The following SYNE1 variants were observed in gnomAD, a reference collection of about 807,000 sequenced individuals.
SYNE1 encodes the protein spectrin repeat containing nuclear envelope protein 1, also known as nesprin-1.
A neutral mutation model predicts 1,111.0 loss-of-function variants in SYNE1; 616 were observed. The observed-to-expected ratio is 0.55, with a 90% CI of 0.52 to 0.59. SYNE1 has a LOEUF of 0.59. Among genes scored for constraint, SYNE1 ranks in the 20% least tolerant of loss-of-function variants. The probability of loss-of-function intolerance (pLI) is 0.00; values close to 1 mark genes in which losing one functional copy is unlikely to be tolerated. For synonymous variants in SYNE1, 3,855 were observed against 3,825.8 expected (o/e 1.01, Z -0.28); for missense variants, 10,006 against 10,417.0 (o/e 0.96, Z 1.72).
intron 3 of SYNE1, among the ~76,000 whole-genome samples, chr6:152,561,410 T>C (rs928488178): frequency 4.6e-5 from 7 of 152,082 alleles, no homozygotes; most frequent in Non-Finnish European, 1.0e-4. Context: ...CAATAAAGCA[T>C]TGATGCAAAA....
chr6:152,472,658 T>G, intron 14 of SYNE1: 1 of 702,056 alleles, frequency 1.4e-6, no homozygotes, highest in Non-Finnish European at 2.6e-6. Context: ...ACATGACACT[T>G]GCACAGCAAT....
chr6:152,131,898 GC>G (rs2152702756), intron 144 of SYNE1, among the ~76,000 whole-genome samples: 1 of 152,312 alleles, frequency 6.6e-6, no homozygotes, highest in Non-Finnish European at 1.5e-5. Context: ...CTGCATACCA[GC>G]CACACGTTGA....
intron 87 of SYNE1, among the ~76,000 whole-genome samples, chr6:152,311,939 A>C (rs1361584956): frequency 6.6e-6 from 1 of 151,374 alleles, no homozygotes; most frequent in African/African-American, 2.4e-5. Context: ...GCCCGCCACC[A>C]CGCCTGGCTA....
chr6:152,284,082 C>A lies in SYNE1; in HGVS notation c.18103G>T (p.Ala6035Ser), dbSNP rs557248018. 22 of 1,614,056 alleles carry A rather than the reference C, an allele frequency of 1.4e-5. No homozygotes were observed. Among genetic ancestry groups the A allele is most frequent in the Non-Finnish European group, 1.9e-5 (22 of 1,180,030 alleles). The change falls in exon 96 of 146, where the codon GCC becomes TCC. Residue 6035 changes from alanine (A) to serine (S), a missense_variant. Physicochemically the swap from Ala to Ser is moderately conservative, Grantham distance 99. Transcript: ENST00000367255. The part of the protein sequence containing the change: ...AEELVSESCE[A>S]DPAEQLALQS... ...AAGGCCAGCTGCTCCGCAGGGTCGG[C>A]CTCACAAGACTCGGATACCAGCTCC...
At chr6:152,318,339 T>TC in intron 85 of SYNE1, 76 bp from the exon 86 acceptor site, 1 of 1,530,728 alleles carries the variant, frequency 6.5e-7, no homozygotes, top group Non-Finnish European at 9.0e-7. Flanking sequence ...ATCAGACTGA[T>TC]TTTTGTCAAA....
intron 11 of SYNE1, among the ~76,000 whole-genome samples, chr6:152,497,549 C>A (rs1031107766): frequency 6.6e-6 from 1 of 152,188 alleles, no homozygotes; most frequent in South Asian, 2.1e-4. Context: ...GGACAGGCTG[C>A]TCACCAACTT....
chr6:152,533,501 T>G (rs1485724584), intron 4 of SYNE1, among the ~76,000 whole-genome samples: 2 of 152,124 alleles, frequency 1.3e-5, no homozygotes, highest in Admixed American at 6.6e-5. Flanking sequence ...TTGCTCACAC[T>G]CAATATCTGA....
intron 10 of SYNE1, among the ~76,000 whole-genome samples, chr6:152,501,019 C>T (rs1043727889): frequency 2.6e-5 from 4 of 151,724 alleles, no homozygotes; most frequent in African/African-American, 4.8e-5. Context: ...ATTGTCATCT[C>T]AAATTGCTCT....
At chr6:152,234,374 A>G (rs554350281) in intron 111 of SYNE1, among the ~76,000 whole-genome samples, 8 of 152,156 alleles carry the variant, frequency 5.3e-5, no homozygotes, top group African/African-American at 1.9e-4. Flanking sequence ...AGCTCGCTGC[A>G]ATCTCTGCCT....
intron 140 of SYNE1, among the ~76,000 whole-genome samples, chr6:152,139,417 A>C (rs2057870220): frequency 6.6e-6 from 1 of 151,686 alleles, no homozygotes; most frequent in African/African-American, 2.4e-5. Context: ...CTAAAAATAC[A>C]AAAACTAGCC....
At chr6:152,513,308 T>C (rs1385979633) in intron 6 of SYNE1, among the ~76,000 whole-genome samples, 1 of 152,160 alleles carries the variant, frequency 6.6e-6, no homozygotes, top group Non-Finnish European at 1.5e-5. Context: ...AAAGAGATAA[T>C]TGAAGTTAAA....
At chr6:152,158,211 C>T (rs2061741868) in intron 131 of SYNE1, among the ~76,000 whole-genome samples, 1 of 152,160 alleles carries the variant, frequency 6.6e-6, no homozygotes, top group South Asian at 2.1e-4. Context: ...ACTTTTAACT[C>T]CATTTACTCC....
intron 3 of SYNE1, among the ~76,000 whole-genome samples, chr6:152,598,367 G>T (rs1228876679): frequency 6.6e-6 from 1 of 152,142 alleles, no homozygotes; most frequent in Non-Finnish European, 1.5e-5. Flanking sequence ...CAGCCACGTG[G>T]AACTGTGAGC....
intron 91 of SYNE1, 97 bp downstream of exon 91, chr6:152,308,392 A>G: frequency 6.4e-7 from 1 of 1,561,780 alleles, no homozygotes; most frequent in Non-Finnish European, 8.8e-7. Flanking sequence ...TAAGTGCAGG[A>G]CAGGGGAAAC....
intron 33 of SYNE1, chr6:152,435,358 A>G (rs7769359): frequency 0.15 from 22,562 of 151,456 alleles, 1,850 homozygotes; most frequent in East Asian, 0.37. Context: ...GGTATATAAC[A>G]GGATATCAAT....
At position 152,206,273 on chromosome 6, in the gene SYNE1, G is replaced by T; in HGVS notation, c.22914C>A (p.Gly7638=). 2 of 1,613,902 alleles carry T rather than the reference G, an allele frequency of 1.2e-6. No individual in the cohort carries two copies. The highest frequency in any genetic ancestry group is 1.7e-6 in the Non-Finnish European group (2 of 1,180,020). The change falls in exon 126 of 146, where the codon GGC becomes GGA. Residue 7638 remains glycine (G), a synonymous_variant. Coordinates refer to ENST00000367255, the MANE Select transcript of SYNE1 (RefSeq NM_182961.4). The part of the protein sequence containing the change: ...GKQLLLSADS[G]AEAALQAELA... ...GTTCGGCCTGCAAGGCGGCCTCAGC[G>T]CCACTGTCCGCCGAGAGAAGGAGTT...
At chr6:152,464,439 A>G (rs2098752735) in intron 18 of SYNE1, among the ~76,000 whole-genome samples, 1 of 152,206 alleles carries the variant, frequency 6.6e-6, no homozygotes, top group African/African-American at 2.4e-5. Flanking sequence ...TAATCAGAAA[A>G]GCCAAAATCT....
At chr6:152,408,449 T>A (rs140579231) in intron 44 of SYNE1, among the ~76,000 whole-genome samples, 3,483 of 152,342 alleles carry the variant, frequency 0.023, 52 homozygotes, top group Non-Finnish European at 0.035. Context: ...TATAGAATGT[T>A]CATAAATTCT....
chr6:152,224,077 T>C (rs1262299230), intron 117 of SYNE1, among the ~76,000 whole-genome samples: 2 of 152,240 alleles, frequency 1.3e-5, no homozygotes, highest in African/African-American at 4.8e-5. Flanking sequence ...TGGAAGCAAC[T>C]GAATGGTTTA....
Sources: allele counts gnomAD v4.1 joint callset (sites outside exome capture counted in the v4.1 genomes callset), GRCh38; gene constraint gnomAD v4.1.1; transcripts MANE v1.5; gene names NCBI Gene and HGNC (gene_info 2026-07-23, HGNC 2026-07-21).